The following MINPP1 variants were observed in gnomAD, a reference collection of about 807,000 sequenced individuals.
The protein encoded by MINPP1 is multiple inositol polyphosphate phosphatase 1.
A neutral mutation model predicts 46.1 loss-of-function variants in MINPP1; 28 were observed. The observed-to-expected ratio is 0.61, with a 90% CI of 0.45 to 0.83. MINPP1 has a LOEUF of 0.83. Among genes scored for constraint, MINPP1 ranks in the 40% least tolerant of loss-of-function variants. MINPP1 has a pLI of 0.00. For missense variants in MINPP1, 603 were observed against 610.0 expected (o/e 0.99, Z 0.12); for synonymous variants, 268 against 249.1 (o/e 1.08, Z -0.72).
chr10:87,528,841 T>C (rs898953807), intron 4 of MINPP1, among the ~76,000 whole-genome samples: 3 of 152,152 alleles, frequency 2.0e-5, no homozygotes, highest in African/African-American at 7.2e-5. Flanking sequence ...TGTGTGGGAG[T>C]CTAAGTCTCT....
chr10:87,522,501 A>G (rs1851517067), intron 4 of MINPP1, among the ~76,000 whole-genome samples: 1 of 152,212 alleles, frequency 6.6e-6, no homozygotes, highest in Admixed American at 6.5e-5. Flanking sequence ...GGAGTCACAC[A>G]ATTTTTTTGG....
Position 87,521,088 on chromosome 10 carries a change from A to G in MINPP1, c.986A>G (p.Tyr329Cys). ...CAATATTGGAAAAGAGGATATGGGTATACTATTAACAGTCGATCCAGCTGC... is the reference window on the plus strand; with the variant it reads ...CAATATTGGAAAAGAGGATATGGGTGTACTATTAACAGTCGATCCAGCTGC... ...LKQYWKRGYG[Y>C]TINSRSSCTL... Residue 329 changes from tyrosine to cysteine, a missense_variant, in exon 4 of 5, where the codon TAT (tyrosine) becomes TGT (cysteine). Around this residue, in one of 3 missense-constraint regions of MINPP1, gnomAD observed 344 missense variants for 381.1 expected, o/e 0.90. Coordinates refer to ENST00000371996, the MANE Select transcript of MINPP1 (RefSeq NM_004897.5). 1 of 1,470,936 alleles carries G rather than the reference A, an allele frequency of 6.8e-7. No individual in the cohort carries two copies. The highest frequency in any genetic ancestry group is 1.1e-5 in the South Asian group (1 of 87,422). The allele number at this position is 1,470,936 out of a possible 1,614,324, so 91.1% of individuals were successfully genotyped here. A position where few individuals can be genotyped will look rare whatever the true frequency, so the allele number is the denominator to read the frequency against.
At position 87,505,152 on chromosome 10, in the gene MINPP1, C is replaced by A. The variant is rs750232819; in HGVS notation, c.237C>A (p.Thr79=). The stretch of plus-strand genomic sequence containing the variant: ...CTGAGCTGCTGGAGGGGACCTGCAC[C>A]CCGGTGCAGCTGGTCGCCCTCATTC... The part of the protein sequence containing the change: ...RDPELLEGTC[T]PVQLVALIRH... Residue 79 remains threonine, a synonymous_variant, in exon 1 of 5, where the codon ACC becomes ACA. Coordinates refer to ENST00000371996, the MANE Select transcript of MINPP1 (RefSeq NM_004897.5). The surrounding 1 kb of genome is among the most constrained non-coding windows in gnomAD (Gnocchi z 4.4). 30 of 1,610,628 alleles carry A rather than the reference C, an allele frequency of 1.9e-5. No homozygotes were observed. In the Admixed American group the frequency reaches 5.0e-4, roughly 27 times the overall value.
intron 4 of MINPP1, among the ~76,000 whole-genome samples, chr10:87,538,124 T>TA (rs397703394): frequency 2.0e-5 from 3 of 151,276 alleles, no homozygotes; most frequent in East Asian, 3.9e-4. Context: ...TTTTTTTTTT[T>TA]ACCTATTCCT....
chr10:87,552,687 A>G lies in MINPP1; in HGVS notation c.*209A>G. ...GGAGCAGCTCTCTTAAGGAGAAACA[A>G]ATCTATTTAGAGAAACAGCTGGCCC... On this transcript the variant is annotated 3_prime_UTR_variant, in exon 5 of 5. Coordinates refer to ENST00000371996, the MANE Select transcript of MINPP1 (RefSeq NM_004897.5). The G allele has an allele frequency of 1.8e-6, 1 of 549,710 alleles. No homozygotes were observed. The highest frequency in any genetic ancestry group is 3.0e-5 in the East Asian group (1 of 33,052). 34.1% of individuals were successfully genotyped at this position (549,710 alleles called of 1,614,324 possible).
chr10:87,522,688 AGGT>A (rs1428277876), intron 4 of MINPP1, among the ~76,000 whole-genome samples: 1 of 152,194 alleles, frequency 6.6e-6, no homozygotes, highest in Non-Finnish European at 1.5e-5. Flanking sequence ...GTTTTGCCTC[AGGT>A]GTTGAGGCTG....
intron 4 of MINPP1, among the ~76,000 whole-genome samples, chr10:87,529,496 G>T (rs966828044): frequency 1.4e-4 from 22 of 152,128 alleles, no homozygotes; most frequent in African/African-American, 5.3e-4. Flanking sequence ...ATGAAATTCT[G>T]GGTTGAAAAT....
chr10:87,529,155 CTT>C (rs755558060), intron 4 of MINPP1, among the ~76,000 whole-genome samples: 3 of 152,142 alleles, frequency 2.0e-5, no homozygotes, highest in African/African-American at 4.8e-5. Flanking sequence ...GGTCTTGACT[CTT>C]TATCCAATTT....
intron 1 of MINPP1, among the ~76,000 whole-genome samples, chr10:87,507,245 T>G (rs1851265149): frequency 2.0e-5 from 3 of 152,200 alleles, no homozygotes; most frequent in Admixed American, 6.5e-5. Context: ...TTTGAGGGAG[T>G]CTGCTGAATT....
chr10:87,515,165 T>C (rs1851395612), intron 3 of MINPP1, among the ~76,000 whole-genome samples: 1 of 151,878 alleles, frequency 6.6e-6, no homozygotes, highest in South Asian at 2.1e-4. Context: ...GGCGGGTGGA[T>C]CACCTGAGGT....
intron 4 of MINPP1, among the ~76,000 whole-genome samples, chr10:87,542,578 G>A (rs1027469138): frequency 2.6e-4 from 40 of 152,272 alleles, no homozygotes; most frequent in African/African-American, 8.9e-4. Context: ...AGGATTACAG[G>A]TGTGACCCAC....
intron 4 of MINPP1, among the ~76,000 whole-genome samples, chr10:87,541,053 C>T (rs1212903719): frequency 1.3e-5 from 2 of 152,198 alleles, no homozygotes; most frequent in Admixed American, 1.3e-4. Flanking sequence ...ATCCAAGTCT[C>T]CATTTTTGGT....
rs1419328128 is a variant in MINPP1 at position 87,505,205 on chromosome 10, A to G, written c.290A>G (p.Lys97Arg). 3.1e-6 allele frequency: 5 copies of G among 1,610,878 alleles called. No individual in the cohort carries two copies. The change falls in exon 1 of 5, where the codon AAA becomes AGA. Residue 97 changes from lysine to arginine, a missense_variant. Lys to Arg is a conservative substitution (Grantham distance 26). Around this residue, in one of 3 missense-constraint regions of MINPP1, gnomAD observed 239 missense variants for 189.4 expected, o/e 1.26. Transcript: ENST00000371996. The surrounding 1 kb of genome is among the most constrained non-coding windows in gnomAD (Gnocchi z 4.4). ...CACGGCACCCGCTACCCCACGGTCA[A>G]ACAGATCCGCAAGCTGAGGCAGCTG... Reference protein sequence around the residue: ...IRHGTRYPTVKQIRKLRQLHG... With the variant: ...IRHGTRYPTVRQIRKLRQLHG...
intron 4 of MINPP1, among the ~76,000 whole-genome samples, chr10:87,541,038 A>G (rs1053470920): frequency 1.2e-4 from 19 of 152,240 alleles, no homozygotes; most frequent in Admixed American, 1.0e-3. Flanking sequence ...CCACCAGTTG[A>G]AGGTATCCAA....
rs1420970935 is a variant in MINPP1, at chr10:87,513,222, G to A, written c.933+1G>A. On this transcript the variant is annotated splice_donor_variant, in intron 3 of 4. Coordinates refer to ENST00000371996, the MANE Select transcript of MINPP1 (RefSeq NM_004897.5). LOFTEE classifies it high-confidence loss of function. Reference sequence around the variant, plus strand: ...TGTTTTTGACATAGATGATGCAAAGGTAAGTATTATTTTTGCAGTTTCTTT... The same window carrying A: ...TGTTTTTGACATAGATGATGCAAAGATAAGTATTATTTTTGCAGTTTCTTT... 6.2e-7 allele frequency: 1 copy of A among 1,607,278 alleles called. No individual in the cohort carries two copies. Among genetic ancestry groups the A allele is most frequent in the South Asian group, 1.1e-5 (1 of 90,698 alleles).
rs138023641 is a variant in MINPP1 at position 87,548,332 on chromosome 10, T to G, written c.1068-3750T>G. Among the ~76,000 whole-genome samples the G allele has an allele frequency of 4.6e-3, 696 of 151,982 alleles. 7 individuals carry two copies. Among genetic ancestry groups the G allele is most frequent in the African/African-American group, 0.016 (653 of 41,462 alleles). Reference sequence around the variant, plus strand: ...ATCCCACTATTCTTCTCCCCTCCCCTCCCCCTCCAAGAAGAAACTAGCATG... The same window carrying G: ...ATCCCACTATTCTTCTCCCCTCCCCGCCCCCTCCAAGAAGAAACTAGCATG... On this transcript the variant is annotated intron_variant, in intron 4 of 4. Transcript: ENST00000371996.
At chr10:87,534,042 ATTTTTT>A (rs58579107) in intron 4 of MINPP1, among the ~76,000 whole-genome samples, 2 of 55,372 alleles carry the variant, frequency 3.6e-5, no homozygotes, top group African/African-American at 1.5e-4. Flanking sequence ...CTGGCTAAAT[ATTTTTT>A]TTTTTTTTTT....
chr10:87,528,073 T>C (rs150735368), intron 4 of MINPP1, among the ~76,000 whole-genome samples: 9,366 of 152,252 alleles, frequency 0.062, 752 homozygotes, highest in East Asian at 0.31. Context: ...CATTTTTTAT[T>C]GTGTCTATTT....
intron 1 of MINPP1, among the ~76,000 whole-genome samples, chr10:87,506,628 G>T (rs1016132524): frequency 6.6e-6 from 1 of 152,124 alleles, no homozygotes; most frequent in African/African-American, 2.4e-5. Flanking sequence ...GCCTCCATTT[G>T]TCCAATAACA....
Sources: gnomAD v4.1 joint callset for allele counts (sites outside exome capture counted in the v4.1 genomes callset) on GRCh38, gnomAD v4.1.1 for gene constraint, gnomAD v4.1.1 regional missense constraint, Gnocchi (gnomAD v3.1) non-coding constraint, MANE v1.5 for transcripts, NCBI Gene and HGNC (gene_info 2026-07-23, HGNC 2026-07-21) for gene names.